Variants in HS3ST3A1 observed in about 807,000 individuals in gnomAD.
The protein encoded by HS3ST3A1 is heparan sulfate glucosamine 3-O-sulfotransferase 3A1.
In HS3ST3A1, 19 loss-of-function variants were observed where a neutral mutation model predicts 25.7. The observed-to-expected ratio is 0.74, with a 90% CI of 0.52 to 1.08. The LOEUF is 1.08. Ranked by LOEUF, HS3ST3A1 falls within the 50% of genes least tolerant of loss-of-function variation. HS3ST3A1 has a pLI of 0.00. For synonymous variants in HS3ST3A1, 226 were observed against 278.6 expected (o/e 0.81, Z 1.88); for missense variants, 459 against 594.3 (o/e 0.77, Z 2.37).
At chr17:13,507,931 A>G (rs1204104882) in intron 1 of HS3ST3A1, among the ~76,000 whole-genome samples, 4 of 152,224 alleles carry the variant, frequency 2.6e-5, no homozygotes, top group South Asian at 2.1e-4. Context: ...ACTCACATCA[A>G]TATTTCTTTT....
At chr17:13,519,483 T>C (rs939275417) in intron 1 of HS3ST3A1, among the ~76,000 whole-genome samples, 1 of 152,150 alleles carries the variant, frequency 6.6e-6, no homozygotes, top group African/African-American at 2.4e-5. Context: ...TATAAGAAAC[T>C]GTTAAAAGTA....
rs1380277226 is a variant in HS3ST3A1 at position 13,601,878 on chromosome 17, C to A, written c.-749G>T. 2.6e-5 allele frequency: 4 copies of A among 152,666 alleles called. No homozygotes were observed. Among genetic ancestry groups the A allele is most frequent in the African/African-American group, 9.7e-5 (4 of 41,414 alleles). 9.5% of individuals were successfully genotyped at this position (152,666 alleles called of 1,614,324 possible). A position where few individuals can be genotyped will look rare whatever the true frequency, so the allele number is the denominator to read the frequency against. On this transcript the variant is annotated 5_prime_UTR_variant, in exon 1 of 2. Coordinates refer to ENST00000284110, the MANE Select transcript of HS3ST3A1 (RefSeq NM_006042.3). ...GCTGCGCGGGACCTGTCAGCGGCCC[C>A]CGCCACTCTGCTCGCAGGCGCTCAC...
chr17:13,547,944 C>CA (rs750200323), intron 1 of HS3ST3A1, among the ~76,000 whole-genome samples: 3,934 of 53,012 alleles, frequency 0.074, 56 homozygotes, highest in East Asian at 0.18. Context: ...TGGTGTGAGC[C>CA]AAAAAAAAAA....
At chr17:13,600,207 T>A (rs1284006421) in intron 1 of HS3ST3A1, among the ~76,000 whole-genome samples, 1 of 145,038 alleles carries the variant, frequency 6.9e-6, no homozygotes, top group African/African-American at 2.8e-5. Context: ...GTTTCTAATT[T>A]AGAAGAGACT....
chr17:13,536,375 C>T (rs571688116), intron 1 of HS3ST3A1, among the ~76,000 whole-genome samples: 29 of 152,124 alleles, frequency 1.9e-4, no homozygotes, highest in Admixed American at 7.9e-4. Context: ...CTTTTATAGA[C>T]GTGAGAAAAT....
chr17:13,600,202 TA>T (rs1215263598), intron 1 of HS3ST3A1, among the ~76,000 whole-genome samples: 2 of 148,074 alleles, frequency 1.4e-5, no homozygotes, highest in African/African-American at 2.6e-5. Context: ...AACAGGTTTC[TA>T]ATTTAGAAGA....
At chr17:13,580,975 G>A (rs1316968300) in intron 1 of HS3ST3A1, among the ~76,000 whole-genome samples, 3 of 152,180 alleles carry the variant, frequency 2.0e-5, no homozygotes, top group Non-Finnish European at 4.4e-5. Flanking sequence ...GTGTGTGCTT[G>A]TGTATTCCTG....
intron 1 of HS3ST3A1, among the ~76,000 whole-genome samples, chr17:13,502,878 A>T (rs1439214041): frequency 3.1e-5 from 3 of 95,556 alleles, no homozygotes; most frequent in African/African-American, 7.4e-5. Flanking sequence ...AGTAACTATA[A>T]TGAAAAAAAA....
intron 1 of HS3ST3A1, among the ~76,000 whole-genome samples, chr17:13,515,509 A>G (rs1173863287): frequency 1.1e-5 from 1 of 94,706 alleles, no homozygotes; most frequent in African/African-American, 4.3e-5. Flanking sequence ...ATAGTATTCT[A>G]TTGCCTACAT....
At chr17:13,587,326 C>T (rs963357581) in intron 1 of HS3ST3A1, among the ~76,000 whole-genome samples, 22 of 152,148 alleles carry the variant, frequency 1.4e-4, no homozygotes, top group Middle Eastern at 3.4e-3. Context: ...TGGTGGCGTG[C>T]GCCTGTAGTC....
chr17:13,583,916 G>A (rs2142385130), intron 1 of HS3ST3A1, among the ~76,000 whole-genome samples: 1 of 152,232 alleles, frequency 6.6e-6, no homozygotes. Flanking sequence ...ATAATACATT[G>A]GTTTGGTTTT....
At chr17:13,547,943 C>T in intron 1 of HS3ST3A1, among the ~76,000 whole-genome samples, 1 of 83,846 alleles carries the variant, frequency 1.2e-5, no homozygotes, top group East Asian at 2.9e-4. Context: ...TTGGTGTGAG[C>T]CAAAAAAAAA....
At chr17:13,535,907 G>A (rs1163294092) in intron 1 of HS3ST3A1, among the ~76,000 whole-genome samples, 1 of 152,092 alleles carries the variant, frequency 6.6e-6, no homozygotes, top group African/African-American at 2.4e-5. Context: ...GGGAAAACTA[G>A]CAAATTCACA....
chr17:13,512,477 T>G (rs1905907513), intron 1 of HS3ST3A1, among the ~76,000 whole-genome samples: 1 of 152,154 alleles, frequency 6.6e-6, no homozygotes, highest in African/African-American at 2.4e-5. Flanking sequence ...ATGAAAGTGC[T>G]CTGGGATTGG....
chr17:13,562,345 A>T (rs897364606), intron 1 of HS3ST3A1, among the ~76,000 whole-genome samples: 2 of 152,266 alleles, frequency 1.3e-5, no homozygotes, highest in African/African-American at 4.8e-5. Context: ...CCGTGGACAG[A>T]CAGACAGCCT....
Position 13,531,218 on chromosome 17 carries a change from A to G in HS3ST3A1, c.600-34400T>C, listed in dbSNP as rs183996602. The stretch of plus-strand genomic sequence containing the variant: ...GTTGACTTTGCTCAAAGAATGACCA[A>G]CTCTTAAAACATGTCCATTAGTAAA... On this transcript the variant is annotated intron_variant, in intron 1 of 1. Coordinates refer to ENST00000284110, the MANE Select transcript of HS3ST3A1 (RefSeq NM_006042.3). 2.6e-4 allele frequency among the ~76,000 whole-genome samples: 39 copies of G among 152,292 alleles called. No homozygotes were observed. In the East Asian group the frequency reaches 6.9e-3, roughly 27 times the overall value.
chr17:13,591,048 CTTT>C (rs552742240), intron 1 of HS3ST3A1, among the ~76,000 whole-genome samples: 9 of 136,644 alleles, frequency 6.6e-5, no homozygotes, highest in Admixed American at 1.5e-4. Context: ...TTTTTCTTTT[CTTT>C]TTTTTTTTTT....
chr17:13,593,720 G>A (rs1192422549), intron 1 of HS3ST3A1, among the ~76,000 whole-genome samples: 2 of 152,066 alleles, frequency 1.3e-5, no homozygotes, highest in Non-Finnish European at 2.9e-5. Flanking sequence ...TTTGATTTTA[G>A]AATCATTTTA....
rs931281549 is a variant in HS3ST3A1, at chr17:13,546,443, T to G, written c.600-49625A>C. On this transcript the variant is annotated intron_variant, in intron 1 of 1. Coordinates refer to ENST00000284110, the MANE Select transcript of HS3ST3A1 (RefSeq NM_006042.3). ...CCACTACGCCCAGGTAATTTTTGTA[T>G]TTTTAGTAGAGACAGGGTTTCACCA... Among the ~76,000 whole-genome samples the G allele has an allele frequency of 2.0e-5, 3 of 152,236 alleles. No homozygotes were observed. In the South Asian group the frequency reaches 6.2e-4, roughly 32 times the overall value.
Sources: gnomAD v4.1 joint callset for allele counts (sites outside exome capture counted in the v4.1 genomes callset) on GRCh38, gnomAD v4.1.1 for gene constraint, MANE v1.5 for transcripts, NCBI Gene and HGNC (gene_info 2026-07-23, HGNC 2026-07-21) for gene names.